TP63: variants seen among roughly 807,000 people sequenced by gnomAD.
The protein encoded by TP63 is tumor protein 63.
A neutral mutation model predicts 82.8 loss-of-function variants in TP63; 17 were observed. The ratio of observed to expected loss-of-function variants is 0.21; its 90% CI spans 0.14 to 0.31. The LOEUF is 0.31. Among genes scored for constraint, TP63 ranks in the 10% least tolerant of loss-of-function variants. The pLI is 1.00. For synonymous variants in TP63, 330 were observed against 321.7 expected (o/e 1.03, Z -0.28); for missense variants, 648 against 895.3 (o/e 0.72, Z 3.52).
In TP63 at chr3:189,778,710, A is replaced by G. The variant is rs112742075; in HGVS notation, c.325-29562A>G. Among the ~76,000 whole-genome samples, 525 of 152,340 alleles carry G rather than the reference A, an allele frequency of 3.4e-3. 1 individual carries two copies. Among genetic ancestry groups the G allele is most frequent in the South Asian group, 0.011 (54 of 4,828 alleles). ...ATCTTTTAAAGAGATGCTTAGACTG[A>G]AGTATCAGTTCCCTTTTTTGTCCAC... On this transcript the variant is annotated intron_variant, in intron 3 of 13. Transcript: ENST00000264731.
intron 1 of TP63, among the ~76,000 whole-genome samples, chr3:189,717,680 G>C (rs987408889): frequency 1.3e-5 from 2 of 152,176 alleles, no homozygotes; most frequent in Admixed American, 6.5e-5. Context: ...CAGTCCCTAA[G>C]CTGCTTAATG....
At chr3:189,618,625 C>T in the TP63 span, among the ~76,000 whole-genome samples, 4 of 152,274 alleles carry the variant, frequency 2.6e-5, no homozygotes, top group South Asian at 8.3e-4. Flanking sequence ...CTATGACCAC[C>T]TCTCCTACCC....
intron 4 of TP63, among the ~76,000 whole-genome samples, chr3:189,824,640 C>T (rs886687026): frequency 6.6e-6 from 1 of 152,100 alleles, no homozygotes; most frequent in African/African-American, 2.4e-5. Context: ...TGCCCCTTTC[C>T]TTATAATACT....
At chr3:189,882,340 G>C (rs1577187686) in intron 10 of TP63, among the ~76,000 whole-genome samples, 1 of 152,082 alleles carries the variant, frequency 6.6e-6, no homozygotes, top group East Asian at 1.9e-4. Flanking sequence ...TTCCCATCTA[G>C]AGAATAAATG....
At chr3:189,816,047 A>G (rs1728150398) in intron 4 of TP63, among the ~76,000 whole-genome samples, 1 of 152,198 alleles carries the variant, frequency 6.6e-6, no homozygotes, top group African/African-American at 2.4e-5. Flanking sequence ...TTAGAGAATT[A>G]TGGAACTCTG....
intron 1 of TP63, among the ~76,000 whole-genome samples, chr3:189,734,211 G>T (rs28408871): frequency 7.6e-6 from 1 of 131,338 alleles, no homozygotes; most frequent in South Asian, 2.6e-4. Context: ...CACTCTTGTC[G>T]CCCAGGCTGG....
At chr3:189,873,123 C>A in intron 10 of TP63, 128 bp downstream of exon 10, 1 of 1,437,406 alleles carries the variant, frequency 7.0e-7, no homozygotes, top group East Asian at 2.3e-5. Flanking sequence ...ATTCAGATGA[C>A]CTGGTATGGC....
chr3:189,740,631 C>T (rs1720915027), intron 3 of TP63, among the ~76,000 whole-genome samples: 1 of 152,172 alleles, frequency 6.6e-6, no homozygotes, highest in Admixed American at 6.5e-5. Flanking sequence ...TCCTGAGTAG[C>T]TGGGATTACA....
chr3:189,763,371 A>G (rs1249693146), intron 3 of TP63, among the ~76,000 whole-genome samples: 2 of 152,204 alleles, frequency 1.3e-5, no homozygotes, highest in Non-Finnish European at 1.5e-5. Flanking sequence ...AGAGCATGAT[A>G]TATTTTTCAT....
Position 189,631,403 on chromosome 3 carries a change from A to G in TP63, c.-113A>G, listed in dbSNP as rs1729447036. 1 of 1,576,984 alleles carries G rather than the reference A, an allele frequency of 6.3e-7. No individual in the cohort carries two copies. The highest frequency in any genetic ancestry group is 8.6e-7 in the Non-Finnish European group (1 of 1,163,030). On this transcript the variant is annotated 5_prime_UTR_variant, in exon 1 of 14. Coordinates refer to ENST00000264731, the MANE Select transcript of TP63 (RefSeq NM_003722.5). ...TGCCTAAACTTCTATGTCTGATAGC[A>G]TTTGACCCTATTGCTTTTAGCCTCC...
the TP63 span, among the ~76,000 whole-genome samples, chr3:189,609,425 T>C: frequency 6.6e-6 from 1 of 152,102 alleles, no homozygotes; most frequent in African/African-American, 2.4e-5. Flanking sequence ...TGAGGGTACA[T>C]GTGAAGGTTT....
intron 13 of TP63, among the ~76,000 whole-genome samples, chr3:189,892,098 T>C (rs926205684): frequency 2.6e-5 from 4 of 152,174 alleles, no homozygotes; most frequent in Non-Finnish European, 4.4e-5. Context: ...AGTTCCAGTA[T>C]TATTCTGATA....
At position 189,877,800 on chromosome 3, in the gene TP63, A is replaced by G. The variant is rs115169284; in HGVS notation, c.1349+4805A>G. Among the ~76,000 whole-genome samples, 560 of 152,342 alleles carry G rather than the reference A, an allele frequency of 3.7e-3. 2 individuals carry two copies. The highest frequency in any genetic ancestry group is 0.013 in the African/African-American group (547 of 41,582). On this transcript the variant is annotated intron_variant, in intron 10 of 13. Coordinates refer to ENST00000264731, the MANE Select transcript of TP63 (RefSeq NM_003722.5). ...AGATTTAGAACATAGAGCTCTTTGT[A>G]ATGTTGTGTTCTGCTACATTGGCAG... is the stretch of plus-strand genomic sequence containing the variant.
intron 1 of TP63, among the ~76,000 whole-genome samples, chr3:189,729,757 T>C (rs1249726174): frequency 6.6e-6 from 1 of 152,164 alleles, no homozygotes; most frequent in Non-Finnish European, 1.5e-5. Context: ...AAAAAGATGC[T>C]AATGGGCTTA....
At chr3:189,776,700 G>A (rs1723830427) in intron 3 of TP63, among the ~76,000 whole-genome samples, 1 of 152,180 alleles carries the variant, frequency 6.6e-6, no homozygotes, top group Admixed American at 6.5e-5. Flanking sequence ...AGCCCTGCAG[G>A]TCAGTCTTGA....
chr3:189,647,559 C>T lies in TP63; in HGVS notation c.62+15982C>T, dbSNP rs1278098240. 2.1e-5 allele frequency among the ~76,000 whole-genome samples: 3 copies of T among 146,316 alleles called. 1 individual carries two copies. The highest frequency in any genetic ancestry group is 4.5e-5 in the Non-Finnish European group (3 of 67,178). ...CCGTTGATTATATTTATCTGGAAAGCCATTGCAAGCTCTACGTGGATTGTT... is the reference window on the plus strand; with the variant it reads ...CCGTTGATTATATTTATCTGGAAAGTCATTGCAAGCTCTACGTGGATTGTT... On this transcript the variant is annotated intron_variant, in intron 1 of 13. Coordinates refer to ENST00000264731, the MANE Select transcript of TP63 (RefSeq NM_003722.5).
At chr3:189,880,103 C>G (rs547569949) in intron 10 of TP63, 68 of 1,613,714 alleles carry the variant, frequency 4.2e-5, no homozygotes, top group Admixed American at 8.3e-5. Context: ...TTGTGGAGCC[C>G]CGGAGAGAAA....
At chr3:189,822,029 G>C (rs1320045060) in intron 4 of TP63, among the ~76,000 whole-genome samples, 1 of 152,142 alleles carries the variant, frequency 6.6e-6, no homozygotes, top group East Asian at 1.9e-4. Context: ...GATAGACCTG[G>C]GGGGTTGAAT....
chr3:189,621,122 A>G, the TP63 span, among the ~76,000 whole-genome samples: 1 of 152,230 alleles, frequency 6.6e-6, no homozygotes, highest in Non-Finnish European at 1.5e-5. Context: ...TAATACAAAA[A>G]TGATGCCCAT....
Sources: allele counts gnomAD v4.1 joint callset (sites outside exome capture counted in the v4.1 genomes callset), GRCh38; gene constraint gnomAD v4.1.1; transcripts MANE v1.5; gene names NCBI Gene and HGNC (gene_info 2026-07-23, HGNC 2026-07-21).